The following COL1A2 variants were observed in gnomAD, a reference collection of about 807,000 sequenced individuals.
COL1A2 encodes the protein collagen type I alpha 2 chain.
COL1A2 carries 49 observed loss-of-function variants against 174.3 expected under a neutral mutation model. The observed-to-expected ratio is 0.28, with a 90% CI of 0.22 to 0.36. COL1A2 has a LOEUF of 0.36. Among genes scored for constraint, COL1A2 ranks in the 10% least tolerant of loss-of-function variants. COL1A2 has a pLI of 1.00. For missense variants in COL1A2, 1,438 were observed against 1,822.7 expected (o/e 0.79, Z 3.84); for synonymous variants, 655 against 606.6 (o/e 1.08, Z -1.17).
At position 94,423,089 on chromosome 7, in the gene COL1A2, A is replaced by AGGAC. The variant is rs1379209987; in HGVS notation, c.2536_2537insGGAC (p.Lys846ArgfsTer37). 6.2e-7 allele frequency: 1 copy of AGGAC among 1,614,002 alleles called. No homozygotes were observed. Among genetic ancestry groups the AGGAC allele is most frequent in the African/African-American group, 1.3e-5 (1 of 74,902 alleles). ...TGGTCCCCCTGGCTTCGCTGGTGAG[A>AGGAC]AGGGTCCCTCTGGAGAGGCTGGTAC... On this transcript the variant is annotated frameshift_variant, in exon 40 of 52. Transcript: ENST00000297268. LOFTEE classifies it high-confidence loss of function.
At position 94,408,850 on chromosome 7, in the gene COL1A2, T is replaced by A. The variant is rs920731529; in HGVS notation, c.792+27T>A. 5 of 1,607,704 alleles carry A rather than the reference T, an allele frequency of 3.1e-6. No individual in the cohort carries two copies. The African/African-American group carries it at 5.3e-5, about 17-fold the overall frequency. On this transcript the variant is annotated intron_variant, in intron 16 of 51. Coordinates refer to ENST00000297268, the MANE Select transcript of COL1A2 (RefSeq NM_000089.4). The stretch of plus-strand genomic sequence containing the variant: ...TAAAAACACTGGTGACCATTGTCAC[T>A]ACTTTGATAAACTTTTTACTGTGAT...
intron 2 of COL1A2, among the ~76,000 whole-genome samples, 156 bp downstream of exon 2, chr7:94,397,914 G>A (rs1051264003): frequency 6.6e-5 from 10 of 151,902 alleles, no homozygotes; most frequent in Admixed American, 6.6e-4. Flanking sequence ...CTTTCTGGCT[G>A]CCTTAGAAAG....
In COL1A2 at chr7:94,429,248, C is replaced by A. The variant is rs766273613; in HGVS notation, c.3772C>A (p.Arg1258Ser). 3.1e-6 allele frequency: 5 copies of A among 1,613,466 alleles called. 1 individual carries two copies. In the Middle Eastern group the frequency reaches 5.0e-4, roughly 160 times the overall value. The change falls in exon 51 of 52, where the codon CGC becomes AGC. Residue 1258 changes from arginine to serine, a missense_variant. Physicochemically the swap from Arg to Ser is moderately radical, Grantham distance 110. Around this residue, in one of 3 missense-constraint regions of COL1A2, gnomAD observed 290 missense variants for 298.1 expected, o/e 0.97. Transcript: ENST00000297268. ...AATGGCTACCCAACTTGCCTTCATGCGCCTGCTGGCCAACTATGCCTCTCA... is the reference window on the plus strand; with the variant it reads ...AATGGCTACCCAACTTGCCTTCATGAGCCTGCTGGCCAACTATGCCTCTCA... ...KEMATQLAFMRLLANYASQNI... is the reference protein window; with the variant it reads ...KEMATQLAFMSLLANYASQNI...
Position 94,431,185 on chromosome 7 carries a change from T to G in COL1A2, c.*792T>G, listed in dbSNP as rs927141754. On this transcript the variant is annotated 3_prime_UTR_variant, in exon 52 of 52. Coordinates refer to ENST00000297268, the MANE Select transcript of COL1A2 (RefSeq NM_000089.4). Reference sequence around the variant, plus strand: ...GTATATGTGAGATGTTTAAATAAATTGTGAAAAAAATGAAATAAAGCATGT... The same window carrying G: ...GTATATGTGAGATGTTTAAATAAATGGTGAAAAAAATGAAATAAAGCATGT... 2 of 152,604 alleles carry G rather than the reference T, an allele frequency of 1.3e-5. No homozygotes were observed. The highest frequency in any genetic ancestry group is 4.8e-5 in the African/African-American group (2 of 41,432). The allele number at this position is 152,604 out of a possible 1,614,324, so 9.5% of individuals were successfully genotyped here. A position where few individuals can be genotyped will look rare whatever the true frequency, so the allele number is the denominator to read the frequency against.
In COL1A2 at chr7:94,430,441, T is replaced by G. The variant is rs1339856132; in HGVS notation, c.*48T>G. Reference sequence around the variant, plus strand: ...AAGAAAGAAATTTGAAAAAACTTTCTCTTTGCCATTTCTTCTTCTTCTTTT... The same window carrying G: ...AAGAAAGAAATTTGAAAAAACTTTCGCTTTGCCATTTCTTCTTCTTCTTTT... On this transcript the variant is annotated 3_prime_UTR_variant, in exon 52 of 52. Coordinates refer to ENST00000297268, the MANE Select transcript of COL1A2 (RefSeq NM_000089.4). 7 of 1,587,298 alleles carry G rather than the reference T, an allele frequency of 4.4e-6. No individual in the cohort carries two copies. Among genetic ancestry groups the G allele is most frequent in the Non-Finnish European group, 6.0e-6 (7 of 1,161,636 alleles).
In COL1A2 at chr7:94,410,197, C is replaced by T. The variant is rs142252356; in HGVS notation, c.1036-45C>T. ...AAGAGATTTGTCTGCAAGAGAGTTT[C>T]AACAAATGTTTGTCCTTTGACCACT... On this transcript the variant is annotated intron_variant, in intron 19 of 51. Transcript: ENST00000297268. The T allele has an allele frequency of 5.9e-4, 947 of 1,596,626 alleles. 5 individuals are homozygous for T. In the African/African-American group the frequency reaches 0.011, roughly 19 times the overall value.
intron 21 of COL1A2, 137 bp from the exon 22 acceptor site, chr7:94,410,752 G>T: frequency 9.9e-7 from 1 of 1,005,090 alleles, no homozygotes; most frequent in East Asian, 2.5e-5. Flanking sequence ...AATTCCTCTA[G>T]GGGTTGGGTG....
chr7:94,410,340 C>G (rs1791896157), intron 20 of COL1A2, 45 bp downstream of exon 20: 1 of 1,610,504 alleles, frequency 6.2e-7, no homozygotes, highest in Non-Finnish European at 8.5e-7. Flanking sequence ...AATTGTTTTT[C>G]TCATTCCAGT....
chr7:94,425,771 A>T lies in COL1A2; in HGVS notation c.2857A>T (p.Asn953Tyr). Reference sequence around the variant, plus strand: ...GTAGGGAGAGCGCGGTTACCCTGGCAATATTGGTCCCGTTGGTGCTGCAGG... The same window carrying T: ...GTAGGGAGAGCGCGGTTACCCTGGCTATATTGGTCCCGTTGGTGCTGCAGG... Reference protein sequence around the residue: ...GHKGERGYPGNIGPVGAAGAP... With the variant: ...GHKGERGYPGYIGPVGAAGAP... The change falls in exon 44 of 52, where the codon AAT (asparagine) becomes TAT (tyrosine). Residue 953 changes from asparagine (N) to tyrosine (Y), a missense_variant. Asn to Tyr is a moderately radical substitution (Grantham distance 143, BLOSUM62 -2). Around this residue, in one of 3 missense-constraint regions of COL1A2, gnomAD observed 867 missense variants for 1,213.7 expected, o/e 0.71. Transcript: ENST00000297268. 6.2e-7 allele frequency: 1 copy of T among 1,613,552 alleles called. No homozygotes were observed. The highest frequency in any genetic ancestry group is 8.5e-7 in the Non-Finnish European group (1 of 1,179,792).
rs1361251769 is a variant in COL1A2, at chr7:94,431,209, G to C, written c.*816G>C. 6.6e-6 allele frequency: 1 copy of C among 152,586 alleles called. No homozygotes were observed. The highest frequency in any genetic ancestry group is 2.4e-5 in the African/African-American group (1 of 41,440). The allele number at this position is 152,586 out of a possible 1,614,324, so 9.5% of individuals were successfully genotyped here. The stretch of plus-strand genomic sequence containing the variant: ...TTGTGAAAAAAATGAAATAAAGCAT[G>C]TTTGGTTTTCCAAAAGAACATATTG... On this transcript the variant is annotated 3_prime_UTR_variant, in exon 52 of 52. Coordinates refer to ENST00000297268, the MANE Select transcript of COL1A2 (RefSeq NM_000089.4).
At chr7:94,408,074 T>A (rs764027789) in intron 13 of COL1A2, 109 bp from the exon 14 acceptor site, 576 of 1,303,310 alleles carry the variant, frequency 4.4e-4, no homozygotes, top group Non-Finnish European at 6.1e-4. Flanking sequence ...GCAACTTATT[T>A]ATTTTTAGTG....
In COL1A2 at chr7:94,425,183, A is replaced by G; in HGVS notation, c.2740A>G (p.Ser914Gly). The G allele has an allele frequency of 6.2e-7, 1 of 1,614,124 alleles. No homozygotes were observed. The highest frequency in any genetic ancestry group is 8.5e-7 in the Non-Finnish European group (1 of 1,180,012). The part of the protein sequence containing the change: ...GARGPPGAVG[S>G]PGVNGAPGEA... The stretch of plus-strand genomic sequence containing the variant: ...CCGTGGTCCTCCTGGTGCTGTGGGT[A>G]GTCCTGGAGTCAACGGTGCTCCTGG... The change falls in exon 42 of 52, where the codon AGT becomes GGT. Residue 914 changes from serine (S) to glycine (G), a missense_variant. Physicochemically the swap from Ser to Gly is moderately conservative, Grantham distance 56. Around this residue, in one of 3 missense-constraint regions of COL1A2, gnomAD observed 867 missense variants for 1,213.7 expected, o/e 0.71. Transcript: ENST00000297268.
Position 94,404,680 on chromosome 7 carries a change from T to C in COL1A2, c.325-13T>C, listed in dbSNP as rs768647037. ...ATAAAGGCTTGGAGTATGACATTCT[T>C]TTTTTCTTTTAGGGCCCTCAAGGTT... On this transcript the variant is annotated splice_polypyrimidine_tract_variant and intron_variant, in intron 7 of 51. Coordinates refer to ENST00000297268, the MANE Select transcript of COL1A2 (RefSeq NM_000089.4). The C allele has an allele frequency of 1.2e-6, 2 of 1,614,156 alleles. No homozygotes were observed. Among genetic ancestry groups the C allele is most frequent in the South Asian group, 1.1e-5 (1 of 91,078 alleles).
At chr7:94,399,367 G>A (rs1215606433) in intron 4 of COL1A2, among the ~76,000 whole-genome samples, 1 of 152,078 alleles carries the variant, frequency 6.6e-6, no homozygotes, top group Non-Finnish European at 1.5e-5. Context: ...CATGCATAAT[G>A]GAAATATATC....
chr7:94,410,650 C>G, intron 21 of COL1A2, 123 bp downstream of exon 21: 1 of 952,106 alleles, frequency 1.1e-6, no homozygotes, highest in East Asian at 2.6e-5. Context: ...TGCTTTCCAT[C>G]TGCCTTATTA....
rs42520 is a variant in COL1A2, at chr7:94,410,588, C to T, written c.1197+61C>T. 1,059,356 of 1,371,476 alleles carry T rather than the reference C, an allele frequency of 0.77. 411,750 individuals are homozygous for T. Among genetic ancestry groups the T allele is most frequent in the East Asian group, 0.94 (37,583 of 40,098 alleles). The allele number at this position is 1,371,476 out of a possible 1,614,324, so 85.0% of individuals were successfully genotyped here. A position where few individuals can be genotyped will look rare whatever the true frequency, so the allele number is the denominator to read the frequency against. On this transcript the variant is annotated intron_variant, in intron 21 of 51. Transcript: ENST00000297268. ...AGAGGCAGATTATGATACCCCTTCA[C>T]TGGGAATTGGTCAAAATTACTGACT... is the stretch of plus-strand genomic sequence containing the variant.
At chr7:94,420,486 G>C (rs1317567291) in intron 36 of COL1A2, 42 bp downstream of exon 36, 14 of 1,614,160 alleles carry the variant, frequency 8.7e-6, no homozygotes, top group Non-Finnish European at 1.2e-5. Context: ...AACATCCTAA[G>C]TTGGGGAGTA....
At chr7:94,396,418 G>T (rs1333770556) in intron 1 of COL1A2, among the ~76,000 whole-genome samples, 1 of 151,964 alleles carries the variant, frequency 6.6e-6, no homozygotes, top group South Asian at 2.1e-4. Context: ...AGTAATTGCA[G>T]TGAACAAATT....
rs1792230687 is a variant in COL1A2, at chr7:94,424,365, T to C, written c.2595T>C (p.Gly865=). The C allele has an allele frequency of 1.2e-6, 2 of 1,614,104 alleles. No individual in the cohort carries two copies. The highest frequency in any genetic ancestry group is 1.7e-6 in the Non-Finnish European group (2 of 1,180,002). Residue 865 remains glycine, a synonymous_variant, in exon 41 of 52, where the codon GGT becomes GGC. Coordinates refer to ENST00000297268, the MANE Select transcript of COL1A2 (RefSeq NM_000089.4). The part of the protein sequence containing the change: ...AGPPGTPGPQ[G]LLGAPGILGL... ...CTCCTGGCACTCCAGGTCCTCAGGGTCTTCTTGGTGCTCCTGGTATTCTGG... is the reference window on the plus strand; with the variant it reads ...CTCCTGGCACTCCAGGTCCTCAGGGCCTTCTTGGTGCTCCTGGTATTCTGG...
Sources: gnomAD v4.1 joint callset for allele counts (sites outside exome capture counted in the v4.1 genomes callset) on GRCh38, gnomAD v4.1.1 for gene constraint, gnomAD v4.1.1 regional missense constraint, MANE v1.5 for transcripts, NCBI Gene and HGNC (gene_info 2026-07-23, HGNC 2026-07-21) for gene names.